Variants in RIMS2 observed in about 807,000 individuals in gnomAD.
RIMS2 encodes the protein regulating synaptic membrane exocytosis 2.
Under a neutral mutation model 174.4 loss-of-function variants are expected in RIMS2, and 59 were observed. That is an observed-to-expected ratio of 0.34 (90% CI 0.27 to 0.42). The LOEUF (loss-of-function observed/expected upper bound fraction) is 0.42. Among genes scored for constraint, RIMS2 ranks in the 10% least tolerant of loss-of-function variants. The pLI, the probability that RIMS2 is intolerant of heterozygous loss-of-function variation, is 1.00. For missense variants in RIMS2, 1,620 were observed against 1,666.3 expected, an observed-to-expected ratio of 0.97 and a Z score of 0.48; for synonymous variants, 606 against 572.5, an observed-to-expected ratio of 1.06 and a Z score of -0.84.
At chr8:103,900,403 T>C (rs564222372) in intron 4 of RIMS2, among the ~76,000 whole-genome samples, 1 of 148,888 alleles carries the variant, frequency 6.7e-6, no homozygotes, top group East Asian at 1.9e-4. Flanking sequence ...TTTGTATTTT[T>C]AGTAAAGACA....
At chr8:103,912,247 C>A (rs1012267967) in intron 6 of RIMS2, 75 bp downstream of exon 9, 24 of 1,093,018 alleles carry the variant, frequency 2.2e-5, no homozygotes, top group Middle Eastern at 2.1e-4. Flanking sequence ...ATAACTCTTT[C>A]AACCTGTACC....
At chr8:103,690,498 A>T (rs373788094) in intron 1 of RIMS2, among the ~76,000 whole-genome samples, 10 of 152,330 alleles carry the variant, frequency 6.6e-5, no homozygotes, top group African/African-American at 2.4e-4. Context: ...TGAAGTTAAT[A>T]AATAACATCT....
intron 3 of RIMS2, among the ~76,000 whole-genome samples, chr8:103,871,711 A>T (rs2099112899): frequency 6.6e-6 from 1 of 152,152 alleles, no homozygotes; most frequent in African/African-American, 2.4e-5. Flanking sequence ...AGACTGTAGG[A>T]TCAGGGGTAG....
chr8:104,234,087 G>C (rs961477805), intron 19 of RIMS2, among the ~76,000 whole-genome samples: 1 of 152,032 alleles, frequency 6.6e-6, no homozygotes, highest in Non-Finnish European at 1.5e-5. Flanking sequence ...CAGATTATAG[G>C]ATCTGATTCT....
At chr8:104,217,939 AG>A (rs2099138163) in intron 19 of RIMS2, among the ~76,000 whole-genome samples, 1 of 152,246 alleles carries the variant, frequency 6.6e-6, no homozygotes, top group African/African-American at 2.4e-5. Context: ...TAGGATCCTG[AG>A]GGTTGGTTTT....
Position 103,569,090 on chromosome 8 carries a change from A to T in RIMS2, c.176+68028A>T, listed in dbSNP as rs60377216. ...TTTTGTTGCTTTGTGCTTCAGTGTT[A>T]TATCGAAGGAAACCATTACCTAACC... On this transcript the variant is annotated intron_variant, in intron 1 of 23. Transcript: ENST00000504942. 549 of 319,864 alleles carry T rather than the reference A, an allele frequency of 1.7e-3. 2 individuals are homozygous for T. The highest frequency in any genetic ancestry group is 8.5e-3 in the African/African-American group (392 of 46,320). The allele number at this position is 319,864 out of a possible 1,614,324, so 19.8% of individuals were successfully genotyped here.
intron 19 of RIMS2, among the ~76,000 whole-genome samples, chr8:104,138,490 A>G (rs919293910): frequency 3.9e-5 from 6 of 152,118 alleles, no homozygotes; most frequent in Non-Finnish European, 8.8e-5. Context: ...ATGATATTTC[A>G]TTGTAGTTTT....
chr8:103,847,544 A>G (rs1213827089), intron 3 of RIMS2, among the ~76,000 whole-genome samples: 1 of 152,106 alleles, frequency 6.6e-6, no homozygotes, highest in African/African-American at 2.4e-5. Flanking sequence ...TATTCCATGT[A>G]GGTAAAGCAG....
intron 1 of RIMS2, among the ~76,000 whole-genome samples, chr8:103,575,679 C>CATATAT (rs112166531): frequency 0.23 from 31,930 of 140,338 alleles, 3,819 homozygotes; most frequent in Admixed American, 0.36. Context: ...CATACACACA[C>CATATAT]ACACACATAT....
chr8:103,529,614 G>T (rs111722805), intron 1 of RIMS2, among the ~76,000 whole-genome samples: 6 of 152,244 alleles, frequency 3.9e-5, no homozygotes, highest in Non-Finnish European at 7.4e-5. Context: ...GCTCATGCTC[G>T]GTGCTCTGCA....
intron 3 of RIMS2, among the ~76,000 whole-genome samples, chr8:103,844,705 A>G (rs1440730341): frequency 6.6e-6 from 1 of 151,812 alleles, no homozygotes; most frequent in Non-Finnish European, 1.5e-5. Context: ...TTCACTTTTT[A>G]TTTTCTTTGG....
chr8:103,798,404 G>C (rs2098571383), intron 3 of RIMS2, among the ~76,000 whole-genome samples: 1 of 152,084 alleles, frequency 6.6e-6, no homozygotes, highest in Non-Finnish European at 1.5e-5. Flanking sequence ...TTAAAAGATA[G>C]AAGATACAGC....
chr8:103,605,316 A>C (rs1462549294), intron 1 of RIMS2, among the ~76,000 whole-genome samples: 1 of 143,424 alleles, frequency 7.0e-6, no homozygotes, highest in Non-Finnish European at 1.5e-5. Context: ...TGATTTGCGT[A>C]TATTGAACCA....
chr8:103,943,993 G>A (rs1379925009), intron 14 of RIMS2, among the ~76,000 whole-genome samples: 3 of 152,066 alleles, frequency 2.0e-5, no homozygotes, highest in Non-Finnish European at 4.4e-5. Flanking sequence ...CATTATATAT[G>A]TTAGAAGTCT....
At chr8:104,197,715 G>T (rs2099032455) in intron 19 of RIMS2, among the ~76,000 whole-genome samples, 1 of 152,172 alleles carries the variant, frequency 6.6e-6, no homozygotes, top group Non-Finnish European at 1.5e-5. Flanking sequence ...CAGAGTGCCA[G>T]AGGATCTTCT....
chr8:103,657,497 A>T (rs6993163), intron 1 of RIMS2, among the ~76,000 whole-genome samples: 7,329 of 152,260 alleles, frequency 0.048, 586 homozygotes, highest in African/African-American at 0.17. Flanking sequence ...CTGCAATGAG[A>T]CAGAAATTTT....
intron 1 of RIMS2, among the ~76,000 whole-genome samples, chr8:103,521,416 A>G (rs943783128): frequency 1.3e-5 from 2 of 152,068 alleles, no homozygotes; most frequent in African/African-American, 4.8e-5. Context: ...TTTTACATAG[A>G]TGCAGTTATG....
rs1455350481 is a variant in RIMS2, at chr8:103,617,272, A to G, written c.177-79814A>G. Among the ~76,000 whole-genome samples, 4 of 152,336 alleles carry G rather than the reference A, an allele frequency of 2.6e-5. No homozygotes were observed. The East Asian group carries it at 7.7e-4, about 29-fold the overall frequency. On this transcript the variant is annotated intron_variant, in intron 1 of 23. Transcript: ENST00000504942. ...GACAAAAATGGGGAAAAGAATCCCTATTCAATAAATGGTGCTGGGTTAACT... is the reference window on the plus strand; with the variant it reads ...GACAAAAATGGGGAAAAGAATCCCTGTTCAATAAATGGTGCTGGGTTAACT...
At position 103,575,313 on chromosome 8, in the gene RIMS2, T is replaced by G. The variant is rs62527074; in HGVS notation, c.176+74251T>G. Among the ~76,000 whole-genome samples, 911 of 152,306 alleles carry G rather than the reference T, an allele frequency of 6.0e-3. 14 individuals carry two copies. The highest frequency in any genetic ancestry group is 7.3e-3 in the Non-Finnish European group (498 of 68,022). ...AGGTGTTTTAAGGTTATGGAACAAT[T>G]GCTACTCTGATACACTGTTTTTAGC... On this transcript the variant is annotated intron_variant, in intron 1 of 23. Transcript: ENST00000504942.
Sources: gnomAD v4.1 joint callset for allele counts (sites outside exome capture counted in the v4.1 genomes callset) on GRCh38, gnomAD v4.1.1 for gene constraint, MANE v1.5 for transcripts, NCBI Gene and HGNC (gene_info 2026-07-23, HGNC 2026-07-21) for gene names.